Variants in SLC9C1 observed in about 807,000 individuals in gnomAD.
SLC9C1 encodes sodium/hydrogen exchanger 10.
A neutral mutation model predicts 140.9 loss-of-function variants in SLC9C1; 97 were observed. The ratio of observed to expected loss-of-function variants is 0.69; its 90% CI spans 0.58 to 0.82. SLC9C1 has a LOEUF of 0.82. Among genes scored for constraint, SLC9C1 ranks in the 40% least tolerant of loss-of-function variants. The pLI is 0.00. For missense variants in SLC9C1, 1,340 were observed against 1,389.3 expected (o/e 0.96, Z 0.56); for synonymous variants, 440 against 442.6 (o/e 0.99, Z 0.07).
At chr3:112,161,591 C>T (rs1475132175) in intron 26 of SLC9C1, among the ~76,000 whole-genome samples, 5 of 151,864 alleles carry the variant, frequency 3.3e-5, no homozygotes, top group South Asian at 2.1e-4. Flanking sequence ...AGATATGTGG[C>T]GTTATTTCTG....
At chr3:112,156,416 T>C (rs1182379067) in intron 26 of SLC9C1, among the ~76,000 whole-genome samples, 2 of 152,100 alleles carry the variant, frequency 1.3e-5, no homozygotes, top group East Asian at 1.9e-4. Flanking sequence ...TCTTTATCCA[T>C]TTGTTGATGA....
At chr3:112,148,738 G>C (rs748069199) in intron 28 of SLC9C1, among the ~76,000 whole-genome samples, 1 of 152,202 alleles carries the variant, frequency 6.6e-6, no homozygotes, top group Admixed American at 6.5e-5. Context: ...AGTGGTCTGA[G>C]CTCCCTGCTC....
Position 112,167,357 on chromosome 3 carries a change from G to T in SLC9C1, c.3238-10C>A. Reference sequence around the variant, plus strand: ...CTTCAATACTTTGTATCTGAAAGTTGACAGAATGCAAGTTAATTTCTGAGC... The same window carrying T: ...CTTCAATACTTTGTATCTGAAAGTTTACAGAATGCAAGTTAATTTCTGAGC... On this transcript the variant is annotated splice_polypyrimidine_tract_variant and intron_variant, in intron 25 of 28. Coordinates refer to ENST00000305815, the MANE Select transcript of SLC9C1 (RefSeq NM_183061.3). 1.3e-6 allele frequency: 2 copies of T among 1,571,600 alleles called. No homozygotes were observed. Among genetic ancestry groups the T allele is most frequent in the Non-Finnish European group, 1.7e-6 (2 of 1,161,908 alleles).
intron 10 of SLC9C1, among the ~76,000 whole-genome samples, chr3:112,245,353 T>G (rs920327925): frequency 6.6e-6 from 1 of 152,166 alleles, no homozygotes; most frequent in Non-Finnish European, 1.5e-5. Context: ...AATTTTACAG[T>G]TTTTGATTTT....
At chr3:112,234,422 T>C (rs2078925342) in intron 12 of SLC9C1, among the ~76,000 whole-genome samples, 1 of 151,952 alleles carries the variant, frequency 6.6e-6, no homozygotes, top group African/African-American at 2.4e-5. Context: ...TCCTATTCTG[T>C]AGGCTGCCTG....
In SLC9C1 at chr3:112,170,392, G is replaced by A. The variant is rs147562576; in HGVS notation, c.2920-1064C>T. On this transcript the variant is annotated intron_variant, in intron 23 of 28. Coordinates refer to ENST00000305815, the MANE Select transcript of SLC9C1 (RefSeq NM_183061.3). ...CTGATGATTAATGATTTTGAACATT[G>A]TTTATATACCTGTTGGCCATTTGTA... Among the ~76,000 whole-genome samples the A allele has an allele frequency of 1.6e-3, 251 of 152,216 alleles. 1 individual carries two copies. The Middle Eastern group carries it at 0.054, about 33-fold the overall frequency.
intron 9 of SLC9C1, 90 bp downstream of exon 9, chr3:112,264,110 C>A: frequency 1.6e-6 from 1 of 616,504 alleles, no homozygotes; most frequent in East Asian, 4.2e-5. Context: ...ATTTTTCAAT[C>A]TAAGGTACGA....
chr3:112,191,009 A>G (rs992104044), intron 20 of SLC9C1, among the ~76,000 whole-genome samples: 3 of 151,708 alleles, frequency 2.0e-5, no homozygotes, highest in Admixed American at 6.6e-5. Flanking sequence ...AGCTTTCCTC[A>G]CATCAAGAAT....
intron 2 of SLC9C1, among the ~76,000 whole-genome samples, chr3:112,281,879 C>G (rs753155025): frequency 1.5e-4 from 23 of 152,062 alleles, no homozygotes; most frequent in Non-Finnish European, 1.9e-4. Flanking sequence ...GACAATGCTC[C>G]AAAGAGAACA....
chr3:112,160,713 A>G (rs1278316865), intron 26 of SLC9C1, among the ~76,000 whole-genome samples: 1 of 151,272 alleles, frequency 6.6e-6, no homozygotes, highest in East Asian at 1.9e-4. Context: ...TATTGTGAAT[A>G]ATGCCGCAAT....
At chr3:112,224,965 A>G (rs1576384711) in intron 13 of SLC9C1, among the ~76,000 whole-genome samples, 1 of 152,216 alleles carries the variant, frequency 6.6e-6, no homozygotes, top group East Asian at 1.9e-4. Flanking sequence ...CATAGAAAAC[A>G]TATTTAATAA....
intron 28 of SLC9C1, among the ~76,000 whole-genome samples, chr3:112,149,259 C>T (rs568922824): frequency 6.6e-6 from 1 of 151,806 alleles, no homozygotes; most frequent in East Asian, 1.9e-4. Context: ...CCCACTGCTT[C>T]ATGATTCTGG....
rs887180111 is a variant in SLC9C1, at chr3:112,232,163, C to A, written c.1447-677G>T. Among the ~76,000 whole-genome samples the A allele has an allele frequency of 2.6e-5, 4 of 152,256 alleles. No individual in the cohort carries two copies. The East Asian group carries it at 5.8e-4, about 22-fold the overall frequency. On this transcript the variant is annotated intron_variant, in intron 12 of 28. Coordinates refer to ENST00000305815, the MANE Select transcript of SLC9C1 (RefSeq NM_183061.3). ...CTATCTTTAATACTATAATATCCCT[C>A]ATGTTTGCATCACAAAAAGGAGAAT...
intron 2 of SLC9C1, among the ~76,000 whole-genome samples, chr3:112,285,673 G>A (rs1175580100): frequency 6.6e-6 from 1 of 152,152 alleles, no homozygotes; most frequent in Admixed American, 6.5e-5. Context: ...ACAAGCAAGG[G>A]AGTCCGCATA....
chr3:112,200,218 A>G (rs2077873037), intron 19 of SLC9C1, among the ~76,000 whole-genome samples: 1 of 152,114 alleles, frequency 6.6e-6, no homozygotes, highest in Non-Finnish European at 1.5e-5. Flanking sequence ...GTGACTTGGC[A>G]TGACTCAGAG....
At chr3:112,265,762 A>T (rs1313989856) in intron 8 of SLC9C1, among the ~76,000 whole-genome samples, 1 of 152,090 alleles carries the variant, frequency 6.6e-6, no homozygotes, top group Non-Finnish European at 1.5e-5. Flanking sequence ...TAACACTGCT[A>T]ATCCTCTTCA....
intron 12 of SLC9C1, among the ~76,000 whole-genome samples, chr3:112,236,721 T>C (rs1468382583): frequency 6.6e-6 from 1 of 152,224 alleles, no homozygotes; most frequent in Admixed American, 6.5e-5. Context: ...TTCATTTTGT[T>C]ATGTACCCAG....
chr3:112,222,779 G>C (rs1197857642), intron 13 of SLC9C1, among the ~76,000 whole-genome samples: 1 of 152,070 alleles, frequency 6.6e-6, no homozygotes, highest in African/African-American at 2.4e-5. Flanking sequence ...ACATTTTTAA[G>C]TTACAAGGAA....
chr3:112,228,941 G>T (rs1487303553), intron 13 of SLC9C1, among the ~76,000 whole-genome samples: 2 of 143,962 alleles, frequency 1.4e-5, no homozygotes, highest in Non-Finnish European at 3.2e-5. Context: ...ATCAATAGAT[G>T]AATGGATACA....
Sources: allele counts gnomAD v4.1 joint callset (sites outside exome capture counted in the v4.1 genomes callset), GRCh38; gene constraint gnomAD v4.1.1; transcripts MANE v1.5; gene names NCBI Gene and HGNC (gene_info 2026-07-23, HGNC 2026-07-21).